The following RNF214 variants were observed in gnomAD, a reference collection of about 807,000 sequenced individuals.
The protein encoded by RNF214 is ring finger protein 214.
Under a neutral mutation model 75.9 loss-of-function variants are expected in RNF214, and 25 were observed. That is an observed-to-expected ratio of 0.33 (90% CI 0.24 to 0.46). RNF214 has a LOEUF of 0.46. RNF214 is among the 20% of genes least tolerant of loss of function. RNF214 has a pLI of 1.00. For synonymous variants in RNF214, 314 were observed against 308.8 expected (o/e 1.02, Z -0.18); for missense variants, 725 against 857.5 (o/e 0.85, Z 1.93).
Position 117,238,130 on chromosome 11 carries a change from T to G in RNF214, c.108-471T>G, listed in dbSNP as rs184690111. Among the ~76,000 whole-genome samples, 5 of 152,254 alleles carry G rather than the reference T, an allele frequency of 3.3e-5. No homozygotes were observed. The East Asian group carries it at 9.6e-4, about 29-fold the overall frequency. On this transcript the variant is annotated intron_variant, in intron 2 of 14. Coordinates refer to ENST00000300650, the MANE Select transcript of RNF214 (RefSeq NM_207343.4). ...TGGCCATTTACTGTAGAACCCAGGT[T>G]TTTGGCCAGCTCACGCCTATAATTC... is the stretch of plus-strand genomic sequence containing the variant.
intron 6 of RNF214, among the ~76,000 whole-genome samples, chr11:117,267,576 A>G (rs1484225311): frequency 2.6e-5 from 4 of 151,982 alleles, no homozygotes; most frequent in African/African-American, 9.7e-5. Context: ...AGAAAAAAAG[A>G]AAATTAGCCG....
At chr11:117,260,045 A>T (rs1187795546) in intron 6 of RNF214, among the ~76,000 whole-genome samples, 1 of 149,278 alleles carries the variant, frequency 6.7e-6, no homozygotes, top group African/African-American at 2.5e-5. Context: ...TAACTTTTAT[A>T]TTCATGTCTC....
Position 117,239,008 on chromosome 11 carries a change from G to C in RNF214, c.515G>C (p.Arg172Pro), listed in dbSNP as rs186490039. The C allele has an allele frequency of 1.2e-6, 2 of 1,614,126 alleles. No homozygotes were observed. The highest frequency in any genetic ancestry group is 1.7e-6 in the Non-Finnish European group (2 of 1,180,022). The change falls in exon 3 of 15, where the codon CGA becomes CCA. Residue 172 changes from arginine (R) to proline (P), a missense_variant. Coordinates refer to ENST00000300650, the MANE Select transcript of RNF214 (RefSeq NM_207343.4). ...EGNRDTSLDF[R>P]PVVSPANGVE... Reference sequence around the variant, plus strand: ...AACAGGGACACAAGCTTGGATTTCCGACCTGTAGTGTCTCCAGCAAATGGG... The same window carrying C: ...AACAGGGACACAAGCTTGGATTTCCCACCTGTAGTGTCTCCAGCAAATGGG...
intron 2 of RNF214, among the ~76,000 whole-genome samples, chr11:117,237,096 T>C (rs1251782583): frequency 6.6e-6 from 1 of 152,182 alleles, no homozygotes; most frequent in Admixed American, 6.5e-5. Context: ...ATTAATATTA[T>C]TGAGACAGGG....
intron 6 of RNF214, among the ~76,000 whole-genome samples, chr11:117,270,241 C>CTTTTTTTTTTTTTTTTTTTTTTTT (rs57144374): frequency 2.6e-5 from 2 of 75,852 alleles, no homozygotes; most frequent in African/African-American, 5.6e-5. Context: ...CTTTTCTTTT[C>CTTTTTTTTTTTTTTTTTTTTTTTT]TTTTTTTTTT....
At chr11:117,236,619 T>G (rs1244385684) in intron 2 of RNF214, among the ~76,000 whole-genome samples, 2 of 152,208 alleles carry the variant, frequency 1.3e-5, no homozygotes, top group Non-Finnish European at 2.9e-5. Context: ...ATACAGTAGC[T>G]AACACTTAAC....
intron 6 of RNF214, among the ~76,000 whole-genome samples, chr11:117,251,426 G>A: frequency 7.5e-6 from 1 of 134,014 alleles, no homozygotes; most frequent in African/African-American, 3.1e-5. Context: ...GCCTGGCGGG[G>A]GGCTGACCCC....
rs758843561 is a variant in RNF214, at chr11:117,239,785, C to CT, written c.619-10dup. The stretch of plus-strand genomic sequence containing the variant: ...TGTCTCTGAACGATTCTAAATATAA[C>CT]TTTTTTCCTTTATAGACTGACTTTA... On this transcript the variant is annotated splice_polypyrimidine_tract_variant and intron_variant, in intron 3 of 14. Coordinates refer to ENST00000300650, the MANE Select transcript of RNF214 (RefSeq NM_207343.4). 3.3e-5 allele frequency: 47 copies of CT among 1,443,182 alleles called. No homozygotes were observed. The highest frequency in any genetic ancestry group is 4.2e-5 in the Non-Finnish European group (43 of 1,025,234). 89.4% of individuals were successfully genotyped at this position (1,443,182 alleles called of 1,614,324 possible).
At chr11:117,259,286 T>C (rs144272824) in intron 6 of RNF214, among the ~76,000 whole-genome samples, 17 of 152,212 alleles carry the variant, frequency 1.1e-4, no homozygotes, top group Non-Finnish European at 1.5e-4. Context: ...CTCTTACTAA[T>C]GTATTGGAGT....
In RNF214 at chr11:117,270,241, C is replaced by CTTTTTTTTT. The variant is rs57144374; in HGVS notation, c.960-9649_960-9641dup. Among the ~76,000 whole-genome samples the CTTTTTTTTT allele has an allele frequency of 3.6e-4, 27 of 75,876 alleles. 1 individual carries two copies. The highest frequency in any genetic ancestry group is 4.5e-4 in the African/African-American group (8 of 17,768). 49.8% of individuals were successfully genotyped at this position (75,876 alleles called of 152,430 possible). A position where few individuals can be genotyped will look rare whatever the true frequency, so the allele number is the denominator to read the frequency against. ...TTTCAATTTTCTTTTCTTTTCTTTT[C>CTTTTTTTTT]TTTTTTTTTTTTTTTTTTTTTTTTT... On this transcript the variant is annotated intron_variant, in intron 6 of 14. Transcript: ENST00000300650.
At chr11:117,242,121 C>G (rs2033097562) in intron 4 of RNF214, among the ~76,000 whole-genome samples, 1 of 152,118 alleles carries the variant, frequency 6.6e-6, no homozygotes, top group Non-Finnish European at 1.5e-5. Context: ...TTAAAATGCT[C>G]CCTTTGATCC....
At chr11:117,249,373 T>C (rs2033311664) in intron 6 of RNF214, among the ~76,000 whole-genome samples, 1 of 152,216 alleles carries the variant, frequency 6.6e-6, no homozygotes, top group Non-Finnish European at 1.5e-5. Flanking sequence ...TTTGTGTTCT[T>C]GAAGATCCAT....
chr11:117,252,738 T>A (rs771654836), intron 6 of RNF214, among the ~76,000 whole-genome samples: 7 of 151,932 alleles, frequency 4.6e-5, no homozygotes, highest in Non-Finnish European at 8.8e-5. Context: ...GCCAGGATGG[T>A]CTCGCTCTCC....
intron 6 of RNF214, among the ~76,000 whole-genome samples, chr11:117,262,707 T>TTGTGTGTGTGTGTGTGTGTG (rs57686552): frequency 2.7e-5 from 4 of 147,644 alleles, no homozygotes; most frequent in African/African-American, 1.0e-4. Flanking sequence ...TTGAGGAACG[T>TTGTGTGTGTGTGTGTGTGTG]TGTGTGTGTG....
At chr11:117,266,508 C>T (rs1440337676) in intron 6 of RNF214, among the ~76,000 whole-genome samples, 2 of 152,064 alleles carry the variant, frequency 1.3e-5, no homozygotes, top group African/African-American at 4.8e-5. Flanking sequence ...CACAGGCGTG[C>T]ACCACCATGT....
At position 117,249,178 on chromosome 11, in the gene RNF214, G is replaced by A. The variant is rs570604782; in HGVS notation, c.959+2230G>A. On this transcript the variant is annotated intron_variant, in intron 6 of 14. Transcript: ENST00000300650. The stretch of plus-strand genomic sequence containing the variant: ...GGCTTCAAGCGATCCACCTGCCTTG[G>A]CCTCCCAAAGTGCTGGGATTACAGG... Among the ~76,000 whole-genome samples the A allele has an allele frequency of 5.2e-3, 790 of 152,212 alleles. 2 individuals are homozygous for A. Among genetic ancestry groups the A allele is most frequent in the Non-Finnish European group, 8.4e-3 (571 of 68,028 alleles).
chr11:117,266,714 C>G (rs2033803554), intron 6 of RNF214, among the ~76,000 whole-genome samples: 2 of 152,006 alleles, frequency 1.3e-5, no homozygotes, highest in South Asian at 2.1e-4. Flanking sequence ...GCCCTATTCC[C>G]CTTTTTCCTC....
chr11:117,239,109 C>A lies in RNF214; in HGVS notation c.616C>A (p.Gln206Lys), dbSNP rs746419775. 1.9e-6 allele frequency: 3 copies of A among 1,604,090 alleles called. No homozygotes were observed. Among genetic ancestry groups the A allele is most frequent in the Admixed American group, 3.4e-5 (2 of 59,216 alleles). Residue 206 changes from glutamine to lysine, a missense_variant and splice_region_variant, in exon 3 of 15, where the codon CAG becomes AAG. By Grantham distance (53) the Gln-to-Lys change is moderately conservative. Coordinates refer to ENST00000300650, the MANE Select transcript of RNF214 (RefSeq NM_207343.4). ...SLKLSQNIAV[Q>K]TDFKTADSEV... Reference sequence around the variant, plus strand: ...GAAGCTTTCTCAGAACATTGCTGTACAGGTCAAGTGTCAAGTTTCTACTAC... The same window carrying A: ...GAAGCTTTCTCAGAACATTGCTGTAAAGGTCAAGTGTCAAGTTTCTACTAC...
Position 117,238,790 on chromosome 11 carries a change from T to C in RNF214, c.297T>C (p.Cys99=), listed in dbSNP as rs762107794. The change falls in exon 3 of 15, where the codon TGT becomes TGC. Residue 99 remains cysteine, a synonymous_variant. Coordinates refer to ENST00000300650, the MANE Select transcript of RNF214 (RefSeq NM_207343.4). The stretch of plus-strand genomic sequence containing the variant: ...AAAACTTGATAGCCACAGCCCTTTG[T>C]CTTTCTGGCAGTGGGTCTCAGTCTG... ...LGENLIATAL[C]LSGSGSQSDL... 4.3e-6 allele frequency: 7 copies of C among 1,614,064 alleles called. No individual in the cohort carries two copies. The highest frequency in any genetic ancestry group is 1.1e-5 in the South Asian group (1 of 91,092).
Sources: allele counts gnomAD v4.1 joint callset (sites outside exome capture counted in the v4.1 genomes callset), GRCh38; gene constraint gnomAD v4.1.1; transcripts MANE v1.5; gene names NCBI Gene and HGNC (gene_info 2026-07-23, HGNC 2026-07-21).